The following MYH15 variants were observed in gnomAD, a reference collection of about 807,000 sequenced individuals.
MYH15 encodes the protein myosin-15.
Under a neutral mutation model 240.5 loss-of-function variants are expected in MYH15, and 227 were observed. That is an observed-to-expected ratio of 0.94 (90% CI 0.85 to 1.05). MYH15 has a LOEUF of 1.05. Among genes scored for constraint, MYH15 ranks in the 50% least tolerant of loss-of-function variants. The pLI is 0.00. For missense variants in MYH15, 2,217 were observed against 2,247.5 expected (o/e 0.99, Z 0.27); for synonymous variants, 785 against 796.7 (o/e 0.99, Z 0.25).
At chr3:108,463,031 A>T in intron 16 of MYH15, 80 bp downstream of exon 16, 2 of 1,473,332 alleles carry the variant, frequency 1.4e-6, no homozygotes, top group South Asian at 2.7e-5. Context: ...ACAGGAAAGA[A>T]GCAAGAATTT....
chr3:108,524,581 AT>A lies in MYH15; in HGVS notation c.-58+4681del, dbSNP rs537142202. The stretch of plus-strand genomic sequence containing the variant: ...CTATCTTTTCTTTTTATAACTTAAC[AT>A]TTTTTTTGGTCCAGCTTTGGAGGAT... On this transcript the variant is annotated intron_variant, in intron 1 of 41. Coordinates refer to the MYH15 transcript ENST00000273353. Among the ~76,000 whole-genome samples the A allele has an allele frequency of 4.0e-3, 603 of 151,524 alleles. 2 individuals carry two copies. Among genetic ancestry groups the A allele is most frequent in the African/African-American group, 0.013 (558 of 41,394 alleles).
chr3:108,443,521 A>G (rs2082901336), intron 22 of MYH15, among the ~76,000 whole-genome samples: 1 of 152,162 alleles, frequency 6.6e-6, no homozygotes, highest in African/African-American at 2.4e-5. Context: ...AGTAGAGAGG[A>G]AAGTATTATA....
intron 27 of MYH15, 152 bp from the exon 28 acceptor site, chr3:108,421,366 T>C: frequency 3.1e-6 from 3 of 958,586 alleles, no homozygotes; most frequent in Non-Finnish European, 4.5e-6. Flanking sequence ...CATCTTCTGA[T>C]TTCAGCAAGC....
intron 11 of MYH15, among the ~76,000 whole-genome samples, chr3:108,477,492 T>A (rs1192957747): frequency 6.6e-6 from 1 of 152,216 alleles, no homozygotes; most frequent in African/African-American, 2.4e-5. Flanking sequence ...AAAAGAGGAC[T>A]AGTATCAAGA....
chr3:108,413,307 G>C (rs1343020905), intron 30 of MYH15, among the ~76,000 whole-genome samples: 2 of 152,182 alleles, frequency 1.3e-5, no homozygotes, highest in Admixed American at 6.5e-5. Flanking sequence ...TTAAGTTACT[G>C]TGGGTACAGA....
chr3:108,495,723 T>C, intron 7 of MYH15, 57 bp downstream of exon 7: 1 of 1,390,876 alleles, frequency 7.2e-7, no homozygotes, highest in East Asian at 2.3e-5. Context: ...TACATATAAG[T>C]TTTACCATTG....
At chr3:108,433,802 C>T (rs1265232865) in intron 25 of MYH15, among the ~76,000 whole-genome samples, 1 of 152,136 alleles carries the variant, frequency 6.6e-6, no homozygotes, top group Admixed American at 6.5e-5. Context: ...TCCATTAAAC[C>T]CTTTTTCCTG....
chr3:108,487,229 C>T (rs1027116527), intron 9 of MYH15, among the ~76,000 whole-genome samples: 5 of 152,194 alleles, frequency 3.3e-5, no homozygotes, highest in African/African-American at 9.7e-5. Flanking sequence ...CCAACACTTG[C>T]TCCCAGTGAA....
At chr3:108,470,998 G>C (rs2083169155) in intron 12 of MYH15, 151 bp from the exon 13 acceptor site, 2 of 446,552 alleles carry the variant, frequency 4.5e-6, no homozygotes, top group Admixed American at 1.0e-4. Flanking sequence ...AATGAGAAAA[G>C]GAAGAAAAGA....
upstream of MYH15, among the ~76,000 whole-genome samples, chr3:108,531,799 A>AATAC (rs1553690579): frequency 3.0e-5 from 4 of 134,158 alleles, no homozygotes; most frequent in African/African-American, 1.0e-4. Context: ...TAAATAAATA[A>AATAC]ATAAATACAT....
At chr3:108,545,921 A>T in the MYH15 span, among the ~76,000 whole-genome samples, 1 of 152,148 alleles carries the variant, frequency 6.6e-6, no homozygotes, top group African/African-American at 2.4e-5. Context: ...AATTGTTTCC[A>T]ATTTTGTGCC....
intron 27 of MYH15, among the ~76,000 whole-genome samples, chr3:108,423,220 A>G (rs1340979078): frequency 3.3e-5 from 5 of 152,068 alleles, no homozygotes; most frequent in Admixed American, 2.6e-4. Flanking sequence ...CCGAGGCTCC[A>G]CTCCAGTGGG....
rs368875043 is a variant in MYH15 at position 108,409,652 on chromosome 3, AG to A, written c.4495+930del. ...AATGAACTTGCTTCCAGGGCATCTC[AG>A]GGTTTTCATGCACATTGCTGTTGGT... On this transcript the variant is annotated intron_variant, in intron 31 of 40. Coordinates refer to ENST00000693548, the MANE Select transcript of MYH15 (RefSeq NM_014981.3). Among the ~76,000 whole-genome samples the A allele has an allele frequency of 5.4e-3, 818 of 152,304 alleles. 7 individuals carry two copies. Among genetic ancestry groups the A allele is most frequent in the Non-Finnish European group, 7.6e-3 (519 of 68,018 alleles).
chr3:108,514,635 T>C (rs1004667883), upstream of MYH15, among the ~76,000 whole-genome samples: 5 of 150,098 alleles, frequency 3.3e-5, no homozygotes, highest in African/African-American at 1.2e-4. Context: ...CACTTTGGGG[T>C]GGGGGGGTGG....
chr3:108,486,600 C>A, intron 9 of MYH15, 74 bp from the exon 10 acceptor site: 2 of 996,438 alleles, frequency 2.0e-6, no homozygotes, highest in South Asian at 1.5e-5. Flanking sequence ...GGTCAATATT[C>A]GCAGTTTAGT....
At chr3:108,421,817 C>A (rs2082686710) in intron 27 of MYH15, among the ~76,000 whole-genome samples, 1 of 152,168 alleles carries the variant, frequency 6.6e-6, no homozygotes, top group South Asian at 2.1e-4. Flanking sequence ...GCAACTGTAC[C>A]CTCCTGATCA....
intron 4 of MYH15, among the ~76,000 whole-genome samples, chr3:108,499,691 A>G (rs2083421837): frequency 6.6e-6 from 1 of 152,212 alleles, no homozygotes; most frequent in Admixed American, 6.5e-5. Context: ...ATAAGAACAT[A>G]TAAAGGCCTA....
intron 10 of MYH15, 116 bp downstream of exon 10, chr3:108,486,307 C>T: frequency 1.5e-6 from 1 of 678,284 alleles, no homozygotes. Flanking sequence ...AGCAGCCCTA[C>T]ACCCCTACGG....
At chr3:108,412,198 A>G (rs769961810) in intron 30 of MYH15, among the ~76,000 whole-genome samples, 1 of 152,158 alleles carries the variant, frequency 6.6e-6, no homozygotes, top group Non-Finnish European at 1.5e-5. Flanking sequence ...CATAATCCCC[A>G]CATGTCATGG....
Sources: gnomAD v4.1 joint callset for allele counts (sites outside exome capture counted in the v4.1 genomes callset) on GRCh38, gnomAD v4.1.1 for gene constraint, MANE v1.5 for transcripts, NCBI Gene and HGNC (gene_info 2026-07-23, HGNC 2026-07-21) for gene names.